Variants in ITIH1 observed in about 807,000 individuals in gnomAD.
ITIH1 encodes inter-alpha-trypsin inhibitor heavy chain 1, also known as inter-alpha-trypsin inhibitor heavy chain H1.
In ITIH1, 94 loss-of-function variants were observed where a neutral mutation model predicts 104.6. That is an observed-to-expected ratio of 0.90 (90% confidence interval 0.76 to 1.07). The LOEUF is 1.07. Among genes scored for constraint, ITIH1 ranks in the 50% least tolerant of loss-of-function variants. The pLI is 0.00. For missense variants in ITIH1, 1,193 were observed against 1,181.4 expected (o/e 1.01, Z -0.14); for synonymous variants, 455 against 464.4 (o/e 0.98, Z 0.26).
Position 52,777,635 on chromosome 3 carries a change from C to T in ITIH1, c.20C>T (p.Pro7Leu), listed in dbSNP as rs530472293. 2 of 1,592,974 alleles carry T rather than the reference C, an allele frequency of 1.3e-6. No homozygotes were observed. Among genetic ancestry groups the T allele is most frequent in the East Asian group, 2.2e-5 (1 of 44,790 alleles). The change falls in exon 1 of 22, where the codon CCT (proline) becomes CTT (leucine). Residue 7 changes from proline to leucine, a missense_variant. By Grantham distance (98) the Pro-to-Leu change is moderately conservative (BLOSUM62 -3). Coordinates refer to ENST00000273283, the MANE Select transcript of ITIH1 (RefSeq NM_002215.4). ...TAGAGCATGGACGGTGCCATGGGGC[C>T]TCGGGGGCTGCTGTTGTGCATGTAC... The part of the protein sequence containing the change: MDGAMG[P>L]RGLLLCMYLV...
At chr3:52,787,697 C>T in intron 16 of ITIH1, 85 bp downstream of exon 16, 1 of 1,415,484 alleles carries the variant, frequency 7.1e-7, no homozygotes, top group South Asian at 1.1e-5. Context: ...TTCTAGCTGT[C>T]TTCACTGCTT....
At chr3:52,782,766 T>C (rs540656538) in intron 8 of ITIH1, among the ~76,000 whole-genome samples, 191 bp from the exon 9 acceptor site, 1 of 152,208 alleles carries the variant, frequency 6.6e-6, no homozygotes, top group East Asian at 1.9e-4. Context: ...GGTGGGTTCC[T>C]TTGCCTTCTC....
chr3:52,790,529 G>T, intron 19 of ITIH1: 1 of 520,790 alleles, frequency 1.9e-6, no homozygotes, highest in Non-Finnish European at 3.4e-6. Flanking sequence ...ATTGAATGAT[G>T]CAGTTTGCAC....
chr3:52,781,387 T>C (rs2154108292), intron 6 of ITIH1, among the ~76,000 whole-genome samples: 1 of 152,024 alleles, frequency 6.6e-6, no homozygotes. Flanking sequence ...TCCTTTTGCT[T>C]CTGCTTCTTT....
At position 52,782,792 on chromosome 3, in the gene ITIH1, C is replaced by T. The variant is rs1578733377; in HGVS notation, c.931-165C>T. On this transcript the variant is annotated intron_variant, in intron 8 of 21. Transcript: ENST00000273283. Reference sequence around the variant, plus strand: ...TTGCCTTCTCCACCTCCCTCATCCACCCCAAGGCCCGGCAGGATGCTCCTG... The same window carrying T: ...TTGCCTTCTCCACCTCCCTCATCCATCCCAAGGCCCGGCAGGATGCTCCTG... Among the ~76,000 whole-genome samples the T allele has an allele frequency of 3.9e-5, 6 of 152,204 alleles. 1 individual carries two copies. The South Asian group carries it at 1.2e-3, about 32-fold the overall frequency.
At chr3:52,790,208 T>C (rs564737412) in intron 19 of ITIH1, 1 of 362,678 alleles carries the variant, frequency 2.8e-6, no homozygotes, top group Admixed American at 4.3e-5. Context: ...TTCTCTGGGC[T>C]TCTCATTTGG....
chr3:52,790,639 C>A, intron 19 of ITIH1, 110 bp from the exon 20 acceptor site: 1 of 1,085,100 alleles, frequency 9.2e-7, no homozygotes, highest in Non-Finnish European at 1.4e-6. Flanking sequence ...GGATGAAGGC[C>A]ATGGGGTGGG....
In ITIH1 at chr3:52,790,709, G is replaced by C. The variant is rs770501613; in HGVS notation, c.2322-40G>C. 5.0e-6 allele frequency: 8 copies of C among 1,598,394 alleles called. No individual in the cohort carries two copies. The East Asian group carries it at 1.8e-4, about 36-fold the overall frequency. ...GGGCAGCTGAATGGAGAGGGATGCAGTGCAGCCGCACCTGCCCTCTCGGCC... is the reference window on the plus strand; with the variant it reads ...GGGCAGCTGAATGGAGAGGGATGCACTGCAGCCGCACCTGCCCTCTCGGCC... On this transcript the variant is annotated intron_variant, in intron 19 of 21. Transcript: ENST00000273283.
At chr3:52,778,777 C>A in intron 3 of ITIH1, 165 bp from the exon 4 acceptor site, 2 of 1,151,146 alleles carry the variant, frequency 1.7e-6, no homozygotes, top group Non-Finnish European at 2.4e-6. Context: ...TGGCCTCTGA[C>A]CTGGGCTGCT....
In ITIH1 at chr3:52,785,109, T is replaced by C. The variant is rs1472194970; in HGVS notation, c.1473T>C (p.Ala491=). 3 of 1,614,020 alleles carry C rather than the reference T, an allele frequency of 1.9e-6. No individual in the cohort carries two copies. In the East Asian group the frequency reaches 6.7e-5, roughly 36 times the overall value. ...VDVDLQYPQD[A]VLALTQNHHK... is the part of the protein sequence containing the mutation. ...TGGATTTGCAGTACCCCCAGGATGC[T>C]GTCTTGGCCCTGACCCAGAACCACC... Residue 491 remains alanine, a synonymous_variant, in exon 12 of 22, where the codon GCT becomes GCC. Coordinates refer to ENST00000273283, the MANE Select transcript of ITIH1 (RefSeq NM_002215.4).
chr3:52,791,619 C>A lies in ITIH1; in HGVS notation c.2597C>A (p.Thr866Lys), dbSNP rs138804595. Reference sequence around the variant, plus strand: ...ATGGTGGTGAGGAACCGCCGGCTCACGGTCACCAGGTGGGTGGGCTGCTTG... The same window carrying A: ...ATGGTGGTGAGGAACCGCCGGCTCAAGGTCACCAGGTGGGTGGGCTGCTTG... ...ATMVVRNRRL[T>K]VTRGLQKDYS... Residue 866 changes from threonine (T) to lysine (K), a missense_variant, in exon 21 of 22, where the codon ACG (threonine) becomes AAG (lysine). By Grantham distance (78) the Thr-to-Lys change is moderately conservative (BLOSUM62 -1). Coordinates refer to ENST00000273283, the MANE Select transcript of ITIH1 (RefSeq NM_002215.4). 11 of 1,613,830 alleles carry A rather than the reference C, an allele frequency of 6.8e-6. No homozygotes were observed. The highest frequency in any genetic ancestry group is 9.3e-6 in the Non-Finnish European group (11 of 1,179,880).
intron 2 of ITIH1, 113 bp downstream of exon 2, chr3:52,778,130 TC>T: frequency 7.8e-7 from 1 of 1,289,638 alleles, no homozygotes. Context: ...TGGGGTACTC[TC>T]CAGGGTCCTA....
In ITIH1 at chr3:52,790,758, G is replaced by T; in HGVS notation, c.2331G>T (p.Val777=). 6.2e-7 allele frequency: 1 copy of T among 1,612,246 alleles called. No homozygotes were observed. The highest frequency in any genetic ancestry group is 1.1e-5 in the South Asian group (1 of 90,704). Residue 777 remains valine (V), a synonymous_variant, in exon 20 of 22, where the codon GTG becomes GTT. Transcript: ENST00000273283. ...CCACCTGGCTCTGCAGGGTGGTGGT[G>T]ACCATCAACAAGAAGAGGAACCTGG... ...QAVLRQDGVV[V]TINKKRNLVV...
intron 19 of ITIH1, chr3:52,790,151 C>T: frequency 2.1e-6 from 1 of 476,766 alleles, no homozygotes; most frequent in Non-Finnish European, 3.8e-6. Flanking sequence ...AAGAGGCCAC[C>T]TCTTCCCCTC....
At chr3:52,782,890 G>C in intron 8 of ITIH1, 67 bp from the exon 9 acceptor site, 1 of 1,488,998 alleles carries the variant, frequency 6.7e-7, no homozygotes, top group Admixed American at 1.8e-5. Flanking sequence ...GGTATTTGGA[G>C]TTGGAAGGTG....
rs753647214 is a variant in ITIH1, at chr3:52,778,436, G to A, written c.235G>A (p.Ala79Thr). 9.9e-6 allele frequency: 16 copies of A among 1,614,084 alleles called. No homozygotes were observed. Among genetic ancestry groups the A allele is most frequent in the Admixed American group, 1.7e-5 (1 of 60,008 alleles). Residue 79 changes from alanine (A) to threonine (T), a missense_variant, in exon 3 of 22, where the codon GCC becomes ACC. Coordinates refer to ENST00000273283, the MANE Select transcript of ITIH1 (RefSeq NM_002215.4). The stretch of plus-strand genomic sequence containing the variant: ...TGTCACCAGCCAAGTGGTCAACACT[G>A]CCAATGAAGCCAGGGAAGTGGCCTT... ...YVVTSQVVNT[A>T]NEAREVAFDL...
chr3:52,791,761 A>C (rs369141079), intron 21 of ITIH1, 21 bp from the exon 22 acceptor site: 3 of 1,608,876 alleles, frequency 1.9e-6, no homozygotes, highest in Non-Finnish European at 2.5e-6. Flanking sequence ...GGGTGACCCC[A>C]GCTGACTTGT....
chr3:52,779,144 GATGA>G lies in ITIH1; in HGVS notation c.410+99_410+102del. On this transcript the variant is annotated intron_variant, in intron 4 of 21. Transcript: ENST00000273283. The surrounding 1 kb of genome is among the most constrained non-coding windows in gnomAD (Gnocchi z 4.4). ...GTGGCTTTAGTGGAGAACAGCCCAG[GATGA>G]TGGAAGGGTAAGCAAACTGCCCAAA... 1 of 893,964 alleles carries G rather than the reference GATGA, an allele frequency of 1.1e-6. No homozygotes were observed. Among genetic ancestry groups the G allele is most frequent in the Non-Finnish European group, 1.9e-6 (1 of 535,712 alleles). The allele number at this position is 893,964 out of a possible 1,614,324, so 55.4% of individuals were successfully genotyped here. A position where few individuals can be genotyped will look rare whatever the true frequency, so the allele number is the denominator to read the frequency against.
At chr3:52,780,525 G>T in intron 6 of ITIH1, 143 bp downstream of exon 6, 1 of 621,254 alleles carries the variant, frequency 1.6e-6, no homozygotes, top group South Asian at 2.1e-5. Flanking sequence ...GGTGTCATGT[G>T]ATTGGTGCCT....
Sources: gnomAD v4.1 joint callset for allele counts (sites outside exome capture counted in the v4.1 genomes callset) on GRCh38, gnomAD v4.1.1 for gene constraint, Gnocchi (gnomAD v3.1) non-coding constraint, MANE v1.5 for transcripts, NCBI Gene and HGNC (gene_info 2026-07-23, HGNC 2026-07-21) for gene names.